Variants in ZNF609 observed in about 807,000 individuals in gnomAD.
ZNF609 encodes zinc finger protein 609.
Under a neutral mutation model 109.5 loss-of-function variants are expected in ZNF609, and 11 were observed. The ratio of observed to expected loss-of-function variants is 0.10; its 90% CI spans 0.06 to 0.17. ZNF609 has a LOEUF of 0.17. ZNF609 is among the 10% of genes least tolerant of loss of function. The pLI is 1.00. For synonymous variants in ZNF609, 646 were observed against 662.0 expected (o/e 0.98, Z 0.37); for missense variants, 1,559 against 1,772.4 (o/e 0.88, Z 2.16).
At chr15:64,521,040 C>G (rs939207400) in intron 2 of ZNF609, among the ~76,000 whole-genome samples, 2 of 151,690 alleles carry the variant, frequency 1.3e-5, no homozygotes, top group Non-Finnish European at 3.0e-5. Context: ...TTACTTTGTA[C>G]AGGTGGGTAG....
At position 64,675,025 on chromosome 15, in the gene ZNF609, C is replaced by T. The variant is rs754996439; in HGVS notation, c.2171C>T (p.Ala724Val). 20 of 1,613,978 alleles carry T rather than the reference C, an allele frequency of 1.2e-5. No homozygotes were observed. In the South Asian group the frequency reaches 2.2e-4, roughly 18 times the overall value. ...ACAGTCAACCCTGCCTTGACTCCAG[C>T]CAAGGACAAGAAAAAGAAAGACAAA... ...PFTVNPALTPAKDKKKKDKKK... is the reference protein window; with the variant it reads ...PFTVNPALTPVKDKKKKDKKK... Residue 724 changes from alanine (A) to valine (V), a missense_variant, in exon 5 of 10, where the codon GCC becomes GTC. By Grantham distance (64) the Ala-to-Val change is moderately conservative. This residue lies in a region of ZNF609 where 1,204 missense variants were observed against 1,314.1 expected (regional missense o/e 0.92). Coordinates refer to ENST00000326648, the MANE Select transcript of ZNF609 (RefSeq NM_015042.2).
chr15:64,514,971 T>G (rs983048683), intron 2 of ZNF609, among the ~76,000 whole-genome samples: 3 of 152,104 alleles, frequency 2.0e-5, no homozygotes, highest in Non-Finnish European at 2.9e-5. Flanking sequence ...GCTTTAATTT[T>G]TTGTTGTTGT....
chr15:64,664,459 C>G (rs904238584), intron 3 of ZNF609, among the ~76,000 whole-genome samples: 2 of 152,136 alleles, frequency 1.3e-5, no homozygotes, highest in Non-Finnish European at 2.9e-5. Context: ...GCAGTATTAT[C>G]CTCAAACATG....
At chr15:64,512,338 T>G (rs1303695690) in intron 2 of ZNF609, among the ~76,000 whole-genome samples, 1 of 152,178 alleles carries the variant, frequency 6.6e-6, no homozygotes, top group African/African-American at 2.4e-5. Context: ...ATATAGGCTA[T>G]TTGAGCTTTT....
intron 2 of ZNF609, among the ~76,000 whole-genome samples, chr15:64,512,999 C>T (rs756857106): frequency 1.6e-4 from 24 of 151,834 alleles, no homozygotes; most frequent in African/African-American, 2.2e-4. Context: ...ATAATAATTA[C>T]GTAACCTTAA....
At chr15:64,625,275 G>A (rs998267298) in intron 3 of ZNF609, among the ~76,000 whole-genome samples, 4 of 152,082 alleles carry the variant, frequency 2.6e-5, no homozygotes, top group Non-Finnish European at 4.4e-5. Context: ...AAAAATACTT[G>A]TTTGAGGCCA....
intron 2 of ZNF609, among the ~76,000 whole-genome samples, chr15:64,508,869 A>AT (rs35976269): frequency 0.74 from 112,499 of 151,320 alleles, 45,325 homozygotes; most frequent in East Asian, 0.96. Flanking sequence ...TAATTTTTAA[A>AT]TTTTTTTAGA....
chr15:64,464,261 TTTTA>T (rs759656006), intron 1 of ZNF609, among the ~76,000 whole-genome samples: 3 of 152,220 alleles, frequency 2.0e-5, no homozygotes, highest in South Asian at 2.1e-4. Flanking sequence ...TCCTTATTTA[TTTTA>T]TTTATTTGAC....
At chr15:64,475,682 C>T (rs1381255641) in intron 1 of ZNF609, among the ~76,000 whole-genome samples, 4 of 152,100 alleles carry the variant, frequency 2.6e-5, no homozygotes, top group Admixed American at 1.3e-4. Flanking sequence ...TGAGCCACCG[C>T]GCCCAGCCCG....
intron 2 of ZNF609, among the ~76,000 whole-genome samples, chr15:64,615,946 G>T (rs1026145927): frequency 9.2e-5 from 14 of 152,132 alleles, no homozygotes; most frequent in African/African-American, 3.4e-4. Flanking sequence ...TTGCGTTTTT[G>T]TCTGTGAAGG....
At chr15:64,668,112 A>G (rs927547448) in intron 3 of ZNF609, among the ~76,000 whole-genome samples, 1 of 152,230 alleles carries the variant, frequency 6.6e-6, no homozygotes, top group Non-Finnish European at 1.5e-5. Context: ...CAAAGTGATG[A>G]GACAGAGAAA....
chr15:64,544,902 A>G (rs1460326761), intron 2 of ZNF609, among the ~76,000 whole-genome samples: 1 of 152,180 alleles, frequency 6.6e-6, no homozygotes, highest in Non-Finnish European at 1.5e-5. Flanking sequence ...AGTTGTAGGT[A>G]GGTGTTGTGC....
At chr15:64,461,925 T>C (rs188746682) in intron 1 of ZNF609, among the ~76,000 whole-genome samples, 2 of 152,272 alleles carry the variant, frequency 1.3e-5, no homozygotes, top group East Asian at 3.9e-4. Flanking sequence ...GTTTAGGCTG[T>C]TGTGAGGAGA....
At chr15:64,605,735 C>CTTTT (rs750562675) in intron 2 of ZNF609, among the ~76,000 whole-genome samples, 2 of 134,252 alleles carry the variant, frequency 1.5e-5, no homozygotes, top group Non-Finnish European at 3.2e-5. Flanking sequence ...CTTTTTCTTT[C>CTTTT]TTTTTTTTTT....
chr15:64,577,158 A>ATATACACACAAATATATACATATATGTG (rs1894992729), intron 2 of ZNF609, among the ~76,000 whole-genome samples: 1 of 133,260 alleles, frequency 7.5e-6, no homozygotes, highest in South Asian at 2.3e-4. Flanking sequence ...ATATGTGTAT[A>ATATACACACAAATATATACATATATGTG]TATACACACA....
Position 64,674,089 on chromosome 15 carries a change from G to A in ZNF609, c.1235G>A (p.Gly412Asp). The change falls in exon 5 of 10, where the codon GGC becomes GAC. Residue 412 changes from glycine to aspartate, a missense_variant. Around this residue, in one of 4 missense-constraint regions of ZNF609, gnomAD observed 1,204 missense variants for 1,314.1 expected, o/e 0.92. Coordinates refer to ENST00000326648, the MANE Select transcript of ZNF609 (RefSeq NM_015042.2). ...RAGANSKGRR[G>D]SQNSSEHRPP... ...GGAGCCAATAGCAAAGGCCGTCGGG[G>A]CAGCCAGAATTCTTCAGAGCACCGC... 6.2e-7 allele frequency: 1 copy of A among 1,614,174 alleles called. No individual in the cohort carries two copies. The highest frequency in any genetic ancestry group is 1.1e-5 in the South Asian group (1 of 91,080).
chr15:64,604,794 T>G (rs1404107276), intron 2 of ZNF609, among the ~76,000 whole-genome samples: 1 of 152,074 alleles, frequency 6.6e-6, no homozygotes, highest in Non-Finnish European at 1.5e-5. Context: ...CTAATTTGGC[T>G]TTATTTAATT....
chr15:64,609,079 T>TCTTC (rs1895664580), intron 2 of ZNF609, among the ~76,000 whole-genome samples: 2 of 35,878 alleles, frequency 5.6e-5, no homozygotes, highest in Non-Finnish European at 1.4e-4. Flanking sequence ...TTTCTTTCTT[T>TCTTC]CTTTCTTTCT....
chr15:64,570,490 A>G (rs1164733335), intron 2 of ZNF609, among the ~76,000 whole-genome samples: 2 of 152,164 alleles, frequency 1.3e-5, no homozygotes, highest in Non-Finnish European at 2.9e-5. Flanking sequence ...AGCATCATCA[A>G]TTGTTCATGT....
Sources: allele counts gnomAD v4.1 joint callset (sites outside exome capture counted in the v4.1 genomes callset), GRCh38; gene constraint gnomAD v4.1.1; regional missense constraint gnomAD v4.1.1; transcripts MANE v1.5; gene names NCBI Gene and HGNC (gene_info 2026-07-23, HGNC 2026-07-21).